The following CSGALNACT1 variants were observed in gnomAD, a reference collection of about 807,000 sequenced individuals.
CSGALNACT1 encodes the protein chondroitin sulfate N-acetylgalactosaminyltransferase 1.
A neutral mutation model predicts 51.0 loss-of-function variants in CSGALNACT1; 52 were observed. The ratio of observed to expected loss-of-function variants is 1.02; its 90% CI spans 0.82 to 1.29. CSGALNACT1 has a LOEUF of 1.29. CSGALNACT1 is among the 50% of genes most tolerant of loss of function. CSGALNACT1 has a pLI of 0.00. For synonymous variants in CSGALNACT1, 341 were observed against 254.4 expected (o/e 1.34, Z -3.24); for missense variants, 935 against 679.2 (o/e 1.38, Z -4.19).
intron 1 of CSGALNACT1, among the ~76,000 whole-genome samples, chr8:19,709,962 G>A (rs2062403902): frequency 6.6e-6 from 1 of 152,148 alleles, no homozygotes; most frequent in Non-Finnish European, 1.5e-5. Flanking sequence ...GCTGGGTTGG[G>A]TCCACAGCAG....
intron 1 of CSGALNACT1, among the ~76,000 whole-genome samples, chr8:19,693,407 G>C (rs2061430019): frequency 6.6e-6 from 1 of 152,028 alleles, no homozygotes; most frequent in African/African-American, 2.4e-5. Flanking sequence ...ACGGTTTCCT[G>C]CTACTGTTAA....
chr8:19,490,157 T>A (rs1720300354), intron 4 of CSGALNACT1, among the ~76,000 whole-genome samples: 1 of 152,178 alleles, frequency 6.6e-6, no homozygotes, highest in Admixed American at 6.5e-5. Flanking sequence ...ACTTCCCAGC[T>A]CCTCTTTAAA....
chr8:19,485,506 C>T (rs1306639698), intron 4 of CSGALNACT1, among the ~76,000 whole-genome samples: 1 of 152,110 alleles, frequency 6.6e-6, no homozygotes, highest in Non-Finnish European at 1.5e-5. Flanking sequence ...TAGGACACCC[C>T]TGTTGATGTT....
rs2077286002 is a variant in CSGALNACT1, at chr8:19,506,148, T to C, written c.-296-18A>G. The C allele has an allele frequency of 1.8e-6, 1 of 567,870 alleles. No homozygotes were observed. Among genetic ancestry groups the C allele is most frequent in the Non-Finnish European group, 3.3e-6 (1 of 300,888 alleles). The allele number at this position is 567,870 out of a possible 1,614,324, so 35.2% of individuals were successfully genotyped here. On this transcript the variant is annotated intron_variant, in intron 3 of 9. Transcript: ENST00000454498. ...GAGGGGACCTGGGAAGAAACACAAA[T>C]GACATCAACACTTAATCAAGACAAC...
intron 5 of CSGALNACT1, among the ~76,000 whole-genome samples, chr8:19,456,449 T>C (rs924518582): frequency 5.3e-5 from 8 of 152,226 alleles, no homozygotes; most frequent in Non-Finnish European, 1.0e-4. Context: ...TTCTAGCTGC[T>C]GAGAGTAATG....
intron 4 of CSGALNACT1, among the ~76,000 whole-genome samples, chr8:19,475,672 C>T (rs946798529): frequency 6.6e-5 from 10 of 152,114 alleles, no homozygotes; most frequent in Admixed American, 1.3e-4. Context: ...AAGCAAACAA[C>T]TTAAATACTG....
intron 1 of CSGALNACT1, among the ~76,000 whole-genome samples, chr8:19,633,478 A>T (rs1056119258): frequency 6.6e-6 from 1 of 152,200 alleles, no homozygotes; most frequent in African/African-American, 2.4e-5. Flanking sequence ...ATAATGACTT[A>T]AGACAAGGTT....
At chr8:19,479,417 C>A (rs2070728431) in intron 4 of CSGALNACT1, among the ~76,000 whole-genome samples, 1 of 152,200 alleles carries the variant, frequency 6.6e-6, no homozygotes. Context: ...GTAGTCCAGG[C>A]TGGCCTTTGG....
intron 1 of CSGALNACT1, among the ~76,000 whole-genome samples, chr8:19,664,200 A>C (rs564105016): frequency 3.3e-4 from 50 of 152,328 alleles, no homozygotes; most frequent in African/African-American, 1.2e-3. Flanking sequence ...TCAAAGCTGT[A>C]AATCTAGGAA....
At chr8:19,553,467 G>A (rs1009415463) in intron 3 of CSGALNACT1, among the ~76,000 whole-genome samples, 1 of 151,762 alleles carries the variant, frequency 6.6e-6, no homozygotes, top group African/African-American at 2.4e-5. Context: ...CAAAATGCAA[G>A]AGCTTCTCTC....
chr8:19,486,092 T>C (rs182469564), intron 4 of CSGALNACT1, among the ~76,000 whole-genome samples: 1 of 151,498 alleles, frequency 6.6e-6, no homozygotes, highest in Admixed American at 6.6e-5. Context: ...AAGAAAAATA[T>C]GTAAATACTA....
At chr8:19,618,924 T>C (rs2053446922) in intron 1 of CSGALNACT1, among the ~76,000 whole-genome samples, 1 of 152,120 alleles carries the variant, frequency 6.6e-6, no homozygotes, top group Admixed American at 6.6e-5. Context: ...GAAATTTTAA[T>C]GGGATGGAGG....
Position 19,577,185 on chromosome 8 carries a change from G to A in CSGALNACT1, c.-297+13975C>T, listed in dbSNP as rs192432903. Reference sequence around the variant, plus strand: ...TGCACCTAGAAATAGACTGAGAGTTGTGCTTGGCCTTGGAGAATTCATAAT... The same window carrying A: ...TGCACCTAGAAATAGACTGAGAGTTATGCTTGGCCTTGGAGAATTCATAAT... On this transcript the variant is annotated intron_variant, in intron 3 of 9. Coordinates refer to ENST00000454498, the Ensembl canonical transcript of CSGALNACT1. Among the ~76,000 whole-genome samples the A allele has an allele frequency of 3.4e-4, 52 of 152,246 alleles. 1 individual carries two copies. The highest frequency in any genetic ancestry group is 1.2e-3 in the African/African-American group (48 of 41,530).
At chr8:19,530,840 A>C (rs568922718) in intron 3 of CSGALNACT1, among the ~76,000 whole-genome samples, 1 of 152,352 alleles carries the variant, frequency 6.6e-6, no homozygotes, top group Middle Eastern at 3.4e-3. Flanking sequence ...AAAAAGAGTC[A>C]CACGAAATGA....
At chr8:19,599,516 G>GAAAGAAAGAAAGAAAGA (rs2049892229) in intron 2 of CSGALNACT1, among the ~76,000 whole-genome samples, 1 of 119,280 alleles carries the variant, frequency 8.4e-6, no homozygotes, top group East Asian at 2.3e-4. Context: ...AAGAAAGAAA[G>GAAAGAAAGAAAGAAAGA]AAAGAAAGAA....
chr8:19,658,393 T>C (rs1048479291), intron 1 of CSGALNACT1, among the ~76,000 whole-genome samples: 1 of 152,172 alleles, frequency 6.6e-6, no homozygotes, highest in Non-Finnish European at 1.5e-5. Context: ...TTTAACTATG[T>C]TTCAAGATAA....
rs2052133722 is a variant in CSGALNACT1, at chr8:19,610,747, C to T, written c.-543-8882G>A. ...ACTTCCACTCAATAAAACCTTGCACCCATTCTGCAAAGCCCACATGTGATC... is the reference window on the plus strand; with the variant it reads ...ACTTCCACTCAATAAAACCTTGCACTCATTCTGCAAAGCCCACATGTGATC... On this transcript the variant is annotated intron_variant, in intron 1 of 9. Transcript: ENST00000332246. Among the ~76,000 whole-genome samples the T allele has an allele frequency of 2.0e-5, 3 of 152,214 alleles. 1 individual carries two copies. In the South Asian group the frequency reaches 6.2e-4, roughly 31 times the overall value.
chr8:19,696,829 G>C (rs1453116737), intron 1 of CSGALNACT1, among the ~76,000 whole-genome samples: 2 of 152,176 alleles, frequency 1.3e-5, no homozygotes, highest in Non-Finnish European at 2.9e-5. Context: ...TACAGAGAAA[G>C]CTTAGATGGT....
Position 19,621,891 on chromosome 8 carries a change from AT to A in CSGALNACT1, c.-543-20027del, listed in dbSNP as rs374537123. 4.5e-4 allele frequency among the ~76,000 whole-genome samples: 69 copies of A among 152,346 alleles called. No individual in the cohort carries two copies. The East Asian group carries it at 0.013, about 28-fold the overall frequency. On this transcript the variant is annotated intron_variant, in intron 1 of 9. Coordinates refer to the CSGALNACT1 transcript ENST00000332246. ...TTCTGATATGAGAATATTTTCCACA[AT>A]TTTTTGTGCTATTCACAATGTAATG... is the stretch of plus-strand genomic sequence containing the variant.
Sources: allele counts gnomAD v4.1 joint callset (sites outside exome capture counted in the v4.1 genomes callset), GRCh38; gene constraint gnomAD v4.1.1; transcripts MANE v1.5; gene names NCBI Gene and HGNC (gene_info 2026-07-23, HGNC 2026-07-21).